The following VAMP3 variants were observed in gnomAD, a reference collection of about 807,000 sequenced individuals.
VAMP3 encodes vesicle associated membrane protein 3, also known as vesicle-associated membrane protein 3.
In VAMP3, 11 loss-of-function variants were observed where a neutral mutation model predicts 18.1. The observed-to-expected ratio is 0.61, with a 90% CI of 0.38 to 1.00. The LOEUF (loss-of-function observed/expected upper bound fraction) is 1.00. Ranked by LOEUF, VAMP3 falls within the 50% of genes least tolerant of loss-of-function variation. VAMP3 has a pLI of 0.01. For synonymous variants in VAMP3, 49 were observed against 43.1 expected (o/e 1.14, Z -0.53); for missense variants, 122 against 127.3 (o/e 0.96, Z 0.20).
chr1:7,775,583 A>G (rs2097053962), intron 2 of VAMP3, among the ~76,000 whole-genome samples: 2 of 152,222 alleles, frequency 1.3e-5, no homozygotes, highest in Admixed American at 1.3e-4. Context: ...TCCTGATCTC[A>G]GGTGATCCAC....
Position 7,771,361 on chromosome 1 carries a change from C to T in VAMP3, c.-23C>T. ...CTCTGCTGACCCTCTCTCGTCGCCGCTGCCGCCGCCGCAGCTGCCAAAATG... is the reference window on the plus strand; with the variant it reads ...CTCTGCTGACCCTCTCTCGTCGCCGTTGCCGCCGCCGCAGCTGCCAAAATG... On this transcript the variant is annotated 5_prime_UTR_variant, in exon 1 of 5. Coordinates refer to ENST00000054666, the MANE Select transcript of VAMP3 (RefSeq NM_004781.4). The T allele has an allele frequency of 6.3e-7, 1 of 1,592,486 alleles. No homozygotes were observed. The highest frequency in any genetic ancestry group is 8.5e-7 in the Non-Finnish European group (1 of 1,172,638).
intron 2 of VAMP3, among the ~76,000 whole-genome samples, chr1:7,774,413 AC>A (rs2097053108): frequency 1.3e-5 from 2 of 152,216 alleles, no homozygotes; most frequent in Non-Finnish European, 2.9e-5. Context: ...AGGCAAAATT[AC>A]CATAACATAC....
At chr1:7,777,801 G>T (rs113117321) in intron 3 of VAMP3, among the ~76,000 whole-genome samples, 1 of 152,170 alleles carries the variant, frequency 6.6e-6, no homozygotes, top group Non-Finnish European at 1.5e-5. Flanking sequence ...GATGTATCCT[G>T]TCCTCTGCCT....
rs1398775972 is a variant in VAMP3, at chr1:7,780,146, T to G, written c.*501T>G. The stretch of plus-strand genomic sequence containing the variant: ...ACCCTCTACTTTTTGTAAGCACTAC[T>G]GACTCTCGCTGTATTTAAGATGCTG... On this transcript the variant is annotated 3_prime_UTR_variant, in exon 5 of 5. Transcript: ENST00000054666. 6.5e-6 allele frequency: 1 copy of G among 154,602 alleles called. No individual in the cohort carries two copies. The highest frequency in any genetic ancestry group is 1.9e-4 in the East Asian group (1 of 5,364). The allele number at this position is 154,602 out of a possible 1,614,324, so 9.6% of individuals were successfully genotyped here. A position where few individuals can be genotyped will look rare whatever the true frequency, so the allele number is the denominator to read the frequency against.
At chr1:7,778,789 G>A (rs911707996) in intron 4 of VAMP3, among the ~76,000 whole-genome samples, 5 of 152,274 alleles carry the variant, frequency 3.3e-5, no homozygotes, top group Middle Eastern at 3.4e-3. Context: ...CTGTATGGCC[G>A]TGGACAAGCA....
intron 4 of VAMP3, 112 bp from the exon 5 acceptor site, chr1:7,779,514 A>G: frequency 6.9e-7 from 1 of 1,451,698 alleles, no homozygotes; most frequent in Non-Finnish European, 9.6e-7. Flanking sequence ...AAATCAGCCC[A>G]GTCTAATTTC....
chr1:7,775,073 T>C (rs1225890715), intron 2 of VAMP3, among the ~76,000 whole-genome samples: 1 of 152,226 alleles, frequency 6.6e-6, no homozygotes, highest in East Asian at 1.9e-4. Context: ...TTGTTTTCCA[T>C]TTTGATTATA....
At chr1:7,779,586 G>C in intron 4 of VAMP3, 40 bp from the exon 5 acceptor site, 1 of 1,613,998 alleles carries the variant, frequency 6.2e-7, no homozygotes, top group Non-Finnish European at 8.5e-7. Flanking sequence ...AGACTAACCT[G>C]CTGTTTCCCC....
rs35024711 is a variant in VAMP3 at position 7,780,638 on chromosome 1, A to G, written c.*993A>G. 0.11 allele frequency: 16,202 copies of G among 152,446 alleles called. 1,267 individuals carry two copies. The highest frequency in any genetic ancestry group is 0.15 in the Non-Finnish European group (10,457 of 68,012). The allele number at this position is 152,446 out of a possible 1,614,324, so 9.4% of individuals were successfully genotyped here. A position where few individuals can be genotyped will look rare whatever the true frequency, so the allele number is the denominator to read the frequency against. On this transcript the variant is annotated 3_prime_UTR_variant, in exon 5 of 5. Transcript: ENST00000054666. Reference sequence around the variant, plus strand: ...CATGTTTCTGATAATTATGCAAGCAACAATTCTGTAGCCTCAAGTAAGACC... The same window carrying G: ...CATGTTTCTGATAATTATGCAAGCAGCAATTCTGTAGCCTCAAGTAAGACC...
intron 3 of VAMP3, 99 bp from the exon 4 acceptor site, chr1:7,778,019 A>G: frequency 7.5e-7 from 1 of 1,341,526 alleles, no homozygotes; most frequent in Non-Finnish European, 1.1e-6. Flanking sequence ...ATGCACCTGA[A>G]TTTCCCTTTC....
In VAMP3 at chr1:7,779,733, G is replaced by T; in HGVS notation, c.*88G>T. Reference sequence around the variant, plus strand: ...TGCTATATTATCAAGCTTACCTACTGTTATCTCTAAAATTTTTTTTGTGTT... The same window carrying T: ...TGCTATATTATCAAGCTTACCTACTTTTATCTCTAAAATTTTTTTTGTGTT... On this transcript the variant is annotated 3_prime_UTR_variant, in exon 5 of 5. Transcript: ENST00000054666. 6.4e-7 allele frequency: 1 copy of T among 1,561,122 alleles called. No homozygotes were observed. The highest frequency in any genetic ancestry group is 8.7e-7 in the Non-Finnish European group (1 of 1,149,582).
chr1:7,778,042 AATATT>A, intron 3 of VAMP3, 71 bp from the exon 4 acceptor site: 1 of 1,497,228 alleles, frequency 6.7e-7, no homozygotes, highest in Non-Finnish European at 9.3e-7. Flanking sequence ...TGACTAGATG[AATATT>A]ATATAATACT....
chr1:7,771,446 A>T, intron 1 of VAMP3, 61 bp downstream of exon 1: 2 of 1,487,754 alleles, frequency 1.3e-6, no homozygotes, highest in Non-Finnish European at 1.8e-6. Context: ...TCGCGCTGGG[A>T]CCGCCATACT....
At chr1:7,773,889 A>AT (rs758309347) in intron 2 of VAMP3, among the ~76,000 whole-genome samples, 10 of 152,266 alleles carry the variant, frequency 6.6e-5, no homozygotes, top group African/African-American at 1.9e-4. Context: ...TTCTGATCAG[A>AT]TTTTTTTATC....
At position 7,778,173 on chromosome 1, in the gene VAMP3, A is replaced by G. The variant is rs1019531752; in HGVS notation, c.283+4A>G. 103 of 1,614,000 alleles carry G rather than the reference A, an allele frequency of 6.4e-5. No individual in the cohort carries two copies. Among genetic ancestry groups the G allele is most frequent in the Non-Finnish European group, 8.5e-5 (100 of 1,179,992 alleles). ...ATCTTCATCATCATCATCATCGGTG[A>G]GTTACCCTTTTCTAAACTGATTGGA... On this transcript the variant is annotated splice_donor_region_variant and intron_variant, in intron 4 of 4. Coordinates refer to ENST00000054666, the MANE Select transcript of VAMP3 (RefSeq NM_004781.4).
intron 2 of VAMP3, among the ~76,000 whole-genome samples, chr1:7,775,080 T>G (rs1342615294): frequency 6.6e-6 from 1 of 152,248 alleles, no homozygotes; most frequent in African/African-American, 2.4e-5. Context: ...CCATTTTGAT[T>G]ATAACCATCC....
intron 1 of VAMP3, 67 bp from the exon 2 acceptor site, chr1:7,773,375 T>C: frequency 7.4e-7 from 1 of 1,346,664 alleles, no homozygotes; most frequent in Non-Finnish European, 1.1e-6. Flanking sequence ...CGGAGTAACA[T>C]CTTTATACTT....
In VAMP3 at chr1:7,771,349, C is replaced by G. The variant is rs762210082; in HGVS notation, c.-35C>G. On this transcript the variant is annotated 5_prime_UTR_variant, in exon 1 of 5. Transcript: ENST00000054666. Reference sequence around the variant, plus strand: ...CCAACTTCGCTTCTCTGCTGACCCTCTCTCGTCGCCGCTGCCGCCGCCGCA... The same window carrying G: ...CCAACTTCGCTTCTCTGCTGACCCTGTCTCGTCGCCGCTGCCGCCGCCGCA... 4 of 1,593,044 alleles carry G rather than the reference C, an allele frequency of 2.5e-6. No homozygotes were observed. Among genetic ancestry groups the G allele is most frequent in the African/African-American group, 1.4e-5 (1 of 72,576 alleles).
intron 1 of VAMP3, chr1:7,772,987 G>T (rs539622065): frequency 6.5e-6 from 1 of 153,574 alleles, no homozygotes; most frequent in East Asian, 1.9e-4. Context: ...GCATCCCAGT[G>T]TTCCTGACTC....
Sources: gnomAD v4.1 joint callset for allele counts (sites outside exome capture counted in the v4.1 genomes callset) on GRCh38, gnomAD v4.1.1 for gene constraint, MANE v1.5 for transcripts, NCBI Gene and HGNC (gene_info 2026-07-23, HGNC 2026-07-21) for gene names.